The following FBN2 variants were observed in gnomAD, a reference collection of about 807,000 sequenced individuals.
FBN2 encodes the protein fibrillin-2.
FBN2 carries 105 observed loss-of-function variants against 355.6 expected under a neutral mutation model. The ratio of observed to expected loss-of-function variants is 0.30; its 90% confidence interval spans 0.25 to 0.35. The LOEUF (loss-of-function observed/expected upper bound fraction) is 0.35, where lower values mean the gene tolerates loss of function less well. Ranked by LOEUF, FBN2 falls within the 10% of genes least tolerant of loss-of-function variation. The pLI, the probability that FBN2 is intolerant of heterozygous loss-of-function variation, is 1.00. For missense variants in FBN2, 3,280 were observed against 3,758.7 expected (o/e 0.87, Z 3.33); for synonymous variants, 1,350 against 1,301.2 (o/e 1.04, Z -0.81).
intron 22 of FBN2, 113 bp from the exon 23 acceptor site, chr5:128,349,585 T>G: frequency 7.9e-7 from 1 of 1,268,032 alleles, no homozygotes; most frequent in South Asian, 1.3e-5. Flanking sequence ...ATGTGGATTA[T>G]TACTTGAGTT....
At chr5:128,408,619 C>A in intron 8 of FBN2, 55 bp downstream of exon 8, 2 of 1,607,142 alleles carry the variant, frequency 1.2e-6, no homozygotes, top group Non-Finnish European at 1.7e-6. Context: ...CCTGTTTGGG[C>A]TGTTTTGTCA....
intron 6 of FBN2, among the ~76,000 whole-genome samples, chr5:128,451,971 C>T (rs1039672012): frequency 6.6e-6 from 1 of 152,026 alleles, no homozygotes; most frequent in African/African-American, 2.4e-5. Flanking sequence ...TTTAGAAGAA[C>T]GAAACCCTTA....
Position 128,351,444 on chromosome 5 carries a change from G to A in FBN2, c.2675-439C>T, listed in dbSNP as rs376990639. Among the ~76,000 whole-genome samples the A allele has an allele frequency of 3.3e-5, 5 of 151,990 alleles. 1 individual carries two copies. The highest frequency in any genetic ancestry group is 4.1e-4 in the South Asian group (2 of 4,832). On this transcript the variant is annotated intron_variant, in intron 20 of 64. Coordinates refer to ENST00000262464, the MANE Select transcript of FBN2 (RefSeq NM_001999.4). Reference sequence around the variant, plus strand: ...TGTCTGTAATCCCAGCTACTCGGGAGGCTGAGGCAGGAGAATCGCTTGAAC... The same window carrying A: ...TGTCTGTAATCCCAGCTACTCGGGAAGCTGAGGCAGGAGAATCGCTTGAAC...
chr5:128,422,281 TAAG>T (rs1753369701), intron 7 of FBN2, among the ~76,000 whole-genome samples: 1 of 152,108 alleles, frequency 6.6e-6, no homozygotes, highest in Non-Finnish European at 1.5e-5. Flanking sequence ...GAAAAACAAT[TAAG>T]AAGAAACAGA....
chr5:128,314,608 G>A (rs1378618189), intron 36 of FBN2, among the ~76,000 whole-genome samples: 3 of 152,190 alleles, frequency 2.0e-5, no homozygotes, highest in Middle Eastern at 3.4e-3. Context: ...GAGCCACCAC[G>A]CCCAGCCTAA....
chr5:128,427,006 C>G (rs1251591865), intron 7 of FBN2, among the ~76,000 whole-genome samples: 2 of 152,190 alleles, frequency 1.3e-5, no homozygotes, highest in African/African-American at 4.8e-5. Flanking sequence ...AAGACCAACT[C>G]TAAGTTGAAG....
intron 34 of FBN2, among the ~76,000 whole-genome samples, chr5:128,326,115 G>A (rs888172353): frequency 5.3e-5 from 8 of 152,142 alleles, no homozygotes; most frequent in African/African-American, 9.7e-5. Context: ...AGTTGCTACT[G>A]TTTTTCAGCT....
intron 35 of FBN2, among the ~76,000 whole-genome samples, chr5:128,318,542 G>A (rs1156602949): frequency 6.6e-6 from 1 of 151,562 alleles, no homozygotes; most frequent in Non-Finnish European, 1.5e-5. Flanking sequence ...AAAAAATTAT[G>A]TCACTATTTG....
At chr5:128,307,090 T>C in intron 42 of FBN2, 45 bp downstream of exon 42, 1 of 1,157,658 alleles carries the variant, frequency 8.6e-7, no homozygotes, top group Non-Finnish European at 1.3e-6. Flanking sequence ...TTTTACAGAA[T>C]GCTACACATA....
chr5:128,394,938 A>C (rs1752608399), intron 9 of FBN2, among the ~76,000 whole-genome samples, 184 bp downstream of exon 9: 1 of 152,168 alleles, frequency 6.6e-6, no homozygotes, highest in African/African-American at 2.4e-5. Context: ...GGCATGCACC[A>C]CCATGCCCGG....
chr5:128,513,661 G>A (rs1356889552), intron 5 of FBN2, among the ~76,000 whole-genome samples: 1 of 152,184 alleles, frequency 6.6e-6, no homozygotes, highest in Non-Finnish European at 1.5e-5. Context: ...AGAAGTGAAA[G>A]CCTGGCCTCT....
intron 19 of FBN2, among the ~76,000 whole-genome samples, chr5:128,357,654 A>G (rs1427626243): frequency 6.6e-6 from 1 of 152,192 alleles, no homozygotes; most frequent in Non-Finnish European, 1.5e-5. Context: ...CCTTCAATAC[A>G]TCATCACAAC....
At chr5:128,426,916 GA>G (rs1753498270) in intron 7 of FBN2, among the ~76,000 whole-genome samples, 1 of 152,082 alleles carries the variant, frequency 6.6e-6, no homozygotes, top group South Asian at 2.1e-4. Context: ...TCTAAATGTT[GA>G]AATGTTCTAG....
chr5:128,330,098 T>C lies in FBN2; in HGVS notation c.4345+475A>G, dbSNP rs148521197. Among the ~76,000 whole-genome samples, 16 of 152,352 alleles carry C rather than the reference T, an allele frequency of 1.1e-4. No homozygotes were observed. The East Asian group carries it at 2.5e-3, about 24-fold the overall frequency. ...CAGTGATTGGATAGGTCATATATCCTATCTTAAAAAGCTGAACAGTTTTCC... is the reference window on the plus strand; with the variant it reads ...CAGTGATTGGATAGGTCATATATCCCATCTTAAAAAGCTGAACAGTTTTCC... On this transcript the variant is annotated intron_variant, in intron 33 of 64. Coordinates refer to ENST00000262464, the MANE Select transcript of FBN2 (RefSeq NM_001999.4).
Position 128,307,183 on chromosome 5 carries a change from C to CACTTTAAA in FBN2, c.5373_5374insTTTAAAGT (p.Gly1792PhefsTer63). 1 of 1,609,476 alleles carries CACTTTAAA rather than the reference C, an allele frequency of 6.2e-7. No homozygotes were observed. Among genetic ancestry groups the CACTTTAAA allele is most frequent in the East Asian group, 2.2e-5 (1 of 44,756 alleles). On this transcript the variant is annotated frameshift_variant, in exon 42 of 65. Transcript: ENST00000262464. LOFTEE classifies it high-confidence loss of function. ...TCAAAGGTGAATCCAGGAATATTTC[C>CACTTTAAA]ACATATGGTTTTAAAGTCAGCTTTA...
intron 36 of FBN2, among the ~76,000 whole-genome samples, chr5:128,315,171 T>G (rs1034214344): frequency 6.6e-6 from 1 of 152,158 alleles, no homozygotes; most frequent in African/African-American, 2.4e-5. Flanking sequence ...AAAAAATAAT[T>G]TACAGAAGAA....
intron 5 of FBN2, among the ~76,000 whole-genome samples, chr5:128,477,068 G>GT (rs981975113): frequency 3.7e-4 from 57 of 152,170 alleles, no homozygotes; most frequent in Non-Finnish European, 7.3e-4. Flanking sequence ...ACCAATGTGG[G>GT]TTTTTTTAAA....
At chr5:128,271,956 T>A (rs768807736) in intron 62 of FBN2, 43 bp downstream of exon 62, 7 of 1,610,030 alleles carry the variant, frequency 4.3e-6, no homozygotes, top group Non-Finnish European at 6.0e-6. Context: ...AGAGACACTT[T>A]CAGGTGAGAA....
At chr5:128,472,010 C>A (rs900062013) in intron 5 of FBN2, among the ~76,000 whole-genome samples, 1 of 152,058 alleles carries the variant, frequency 6.6e-6, no homozygotes, top group Non-Finnish European at 1.5e-5. Flanking sequence ...TCTCTTAAAG[C>A]GACTACTAAA....
Sources: allele counts gnomAD v4.1 joint callset (sites outside exome capture counted in the v4.1 genomes callset), GRCh38; gene constraint gnomAD v4.1.1; transcripts MANE v1.5; gene names NCBI Gene and HGNC (gene_info 2026-07-23, HGNC 2026-07-21).